Variants in GLS observed in about 807,000 individuals in gnomAD.
GLS encodes glutaminase.
In GLS, 36 loss-of-function variants were observed where a neutral mutation model predicts 86.7. That is an observed-to-expected ratio of 0.42 (90% CI 0.32 to 0.55). The LOEUF is 0.55. Ranked by LOEUF, GLS falls within the 20% of genes least tolerant of loss-of-function variation. The probability of loss-of-function intolerance (pLI) is 0.17; values close to 1 mark genes in which losing one functional copy is unlikely to be tolerated. For missense variants in GLS, 528 were observed against 833.4 expected (o/e 0.63, Z 4.51); for synonymous variants, 317 against 305.9 (o/e 1.04, Z -0.38).
Position 190,954,430 on chromosome 2 carries a change from T to C in GLS, c.1713-154T>C, listed in dbSNP as rs1025328891. Among the ~76,000 whole-genome samples, 1 of 152,154 alleles carries C rather than the reference T, an allele frequency of 6.6e-6. No homozygotes were observed. Among genetic ancestry groups the C allele is most frequent in the African/African-American group, 2.4e-5 (1 of 41,446 alleles). Reference sequence around the variant, plus strand: ...TGAAGTGGCATCTACCCAAAACACCTGTGTACTGGTTAATAAGGTCGGTAG... The same window carrying C: ...TGAAGTGGCATCTACCCAAAACACCCGTGTACTGGTTAATAAGGTCGGTAG... On this transcript the variant is annotated intron_variant, in intron 15 of 17. Transcript: ENST00000320717. This position sits in a 1 kb window ranked among gnomAD's most constrained non-coding sequence, Gnocchi z 4.0.
rs1296866294 is a variant in GLS, at chr2:190,938,185, A to AT, written c.1650+6554dup. On this transcript the variant is annotated intron_variant, in intron 14 of 17. Transcript: ENST00000320717. This position sits in a 1 kb window ranked among gnomAD's most constrained non-coding sequence, Gnocchi z 4.1. ...ACATAGTATGATTAAAAATAATGGT[A>AT]TTTTTTCATTAGGTATTTACCTTGC... Among the ~76,000 whole-genome samples, 3 of 151,300 alleles carry AT rather than the reference A, an allele frequency of 2.0e-5. No individual in the cohort carries two copies. The highest frequency in any genetic ancestry group is 4.4e-5 in the Non-Finnish European group (3 of 67,458).
At chr2:190,893,832 G>A (rs1170376079) in intron 1 of GLS, among the ~76,000 whole-genome samples, 2 of 152,156 alleles carry the variant, frequency 1.3e-5, no homozygotes, top group African/African-American at 4.8e-5. Flanking sequence ...TGATCCTCCT[G>A]CCTCAGCCTC....
chr2:190,923,500 C>G (rs1463753642), intron 9 of GLS, among the ~76,000 whole-genome samples: 8 of 152,120 alleles, frequency 5.3e-5, no homozygotes, highest in African/African-American at 1.9e-4. Flanking sequence ...TTTGTGTTTC[C>G]CACTCTCAGT....
At chr2:190,887,863 G>C (rs1688438661) in intron 1 of GLS, among the ~76,000 whole-genome samples, 1 of 152,116 alleles carries the variant, frequency 6.6e-6, no homozygotes, top group Non-Finnish European at 1.5e-5. Context: ...CATTTAAAAT[G>C]TTTGCAGGTA....
intron 3 of GLS, chr2:190,896,621 G>A (rs1421934811): frequency 6.6e-6 from 1 of 152,194 alleles, no homozygotes; most frequent in African/African-American, 2.4e-5. Flanking sequence ...GAAGTCATCT[G>A]AAGGTATAAG....
chr2:190,933,957 T>A, intron 14 of GLS: 1 of 931,048 alleles, frequency 1.1e-6, no homozygotes, highest in Non-Finnish European at 1.3e-6. Flanking sequence ...AAAACTTGTT[T>A]TTAAGAGAAC....
Position 190,962,801 on chromosome 2 carries a change from A to T in GLS, c.1854-29A>T, listed in dbSNP as rs1691034411. 2 of 1,372,786 alleles carry T rather than the reference A, an allele frequency of 1.5e-6. No individual in the cohort carries two copies. The highest frequency in any genetic ancestry group is 1.9e-6 in the Non-Finnish European group (2 of 1,047,710). 85.0% of individuals were successfully genotyped at this position (1,372,786 alleles called of 1,614,324 possible). ...ATCTTTGTACATAAATTACCTAATG[A>T]CCCTGTCCATGCTGTGCTACGTGTT... On this transcript the variant is annotated intron_variant, in intron 17 of 17. Transcript: ENST00000320717. This position sits in a 1 kb window ranked among gnomAD's most constrained non-coding sequence, Gnocchi z 4.2.
chr2:190,944,443 T>G (rs1253920407), intron 14 of GLS, among the ~76,000 whole-genome samples: 9 of 152,200 alleles, frequency 5.9e-5, no homozygotes, highest in African/African-American at 2.2e-4. Flanking sequence ...AGATAGTGAA[T>G]GAGAAACTTT....
Position 190,924,024 on chromosome 2 carries a change from T to G in GLS, c.1197+41T>G. 1 of 972,206 alleles carries G rather than the reference T, an allele frequency of 1.0e-6. No homozygotes were observed. Among genetic ancestry groups the G allele is most frequent in the Non-Finnish European group, 1.6e-6 (1 of 617,084 alleles). The allele number at this position is 972,206 out of a possible 1,614,324, so 60.2% of individuals were successfully genotyped here. A position where few individuals can be genotyped will look rare whatever the true frequency, so the allele number is the denominator to read the frequency against. On this transcript the variant is annotated intron_variant, in intron 10 of 17. Transcript: ENST00000320717. This position sits in a 1 kb window ranked among gnomAD's most constrained non-coding sequence, Gnocchi z 5.2. ...TTTCTATTTCAAATTATTCTTTCAT[T>G]TAATAAAATACATGAAGATGTATGC...
chr2:190,962,960 C>G lies in GLS; in HGVS notation c.1984C>G (p.His662Asp). Residue 662 changes from histidine to aspartate, a missense_variant, in exon 18 of 18, where the codon CAT becomes GAT. Coordinates refer to ENST00000320717, the MANE Select transcript of GLS (RefSeq NM_014905.5). The surrounding 1 kb of genome is among the most constrained non-coding windows in gnomAD (Gnocchi z 4.2). ...CAACGGGAAGGAAAATCAAACCGTC[C>G]ATAAGAATCTTGATGGATTGTTGTA... Reference protein sequence around the residue: ...SDNGKENQTVHKNLDGLL With the variant: ...SDNGKENQTVDKNLDGLL The G allele has an allele frequency of 6.2e-7, 1 of 1,608,208 alleles. No homozygotes were observed.
intron 1 of GLS, among the ~76,000 whole-genome samples, chr2:190,885,294 C>A (rs1384403082): frequency 6.6e-6 from 1 of 151,772 alleles, no homozygotes. Flanking sequence ...CGGGTTCAAG[C>A]CATTCTCCTG....
At chr2:190,961,689 G>GTTTT (rs11386437) in intron 17 of GLS, among the ~76,000 whole-genome samples, 9,076 of 135,760 alleles carry the variant, frequency 0.067, 431 homozygotes, top group Middle Eastern at 0.11. Flanking sequence ...TAATTCAGCT[G>GTTTT]TTTTTTTTTT....
chr2:190,919,220 G>A (rs1689653790), intron 7 of GLS, among the ~76,000 whole-genome samples: 1 of 152,100 alleles, frequency 6.6e-6, no homozygotes, highest in Admixed American at 6.6e-5. Flanking sequence ...TCTGTCTAGA[G>A]AATGTTGAGT....
intron 17 of GLS, among the ~76,000 whole-genome samples, chr2:190,961,877 A>C (rs1488662866): frequency 6.6e-6 from 1 of 152,212 alleles, no homozygotes; most frequent in East Asian, 1.9e-4. Flanking sequence ...GGAAAGAAGG[A>C]AACAGGAAGA....
At chr2:190,948,215 C>G (rs1469936288) in intron 14 of GLS, among the ~76,000 whole-genome samples, 2 of 152,146 alleles carry the variant, frequency 1.3e-5, no homozygotes, top group African/African-American at 4.8e-5. Context: ...CCATAGCTAG[C>G]CTTTTGTTTT....
intron 9 of GLS, 85 bp from the exon 10 acceptor site, chr2:190,923,832 T>C: frequency 1.2e-6 from 1 of 811,628 alleles, no homozygotes. Context: ...TTCTTTATGC[T>C]GTACATTGCT....
rs184418360 is a variant in GLS, at chr2:190,935,049, A to T, written c.1650+3412A>T. Reference sequence around the variant, plus strand: ...TGATTCTTGATATTCAAGCATTTACAATGTAGCATATTTGATTTTCTTTTT... The same window carrying T: ...TGATTCTTGATATTCAAGCATTTACTATGTAGCATATTTGATTTTCTTTTT... On this transcript the variant is annotated intron_variant, in intron 14 of 17. Transcript: ENST00000320717. This position sits in a 1 kb window ranked among gnomAD's most constrained non-coding sequence, Gnocchi z 4.2. The T allele has an allele frequency of 2.1e-6, 2 of 931,836 alleles. No individual in the cohort carries two copies. Among genetic ancestry groups the T allele is most frequent in the East Asian group, 2.3e-4 (2 of 8,558 alleles). 57.7% of individuals were successfully genotyped at this position (931,836 alleles called of 1,614,324 possible). A position where few individuals can be genotyped will look rare whatever the true frequency, so the allele number is the denominator to read the frequency against.
intron 11 of GLS, 69 bp from the exon 12 acceptor site, chr2:190,927,237 A>G: frequency 3.5e-6 from 4 of 1,127,416 alleles, no homozygotes; most frequent in Non-Finnish European, 5.0e-6. Context: ...ACCAAATAAA[A>G]TAGATTATCT....
At chr2:190,884,290 A>G (rs964677676) in intron 1 of GLS, among the ~76,000 whole-genome samples, 1 of 152,146 alleles carries the variant, frequency 6.6e-6, no homozygotes, top group African/African-American at 2.4e-5. Flanking sequence ...TCACCTCTTA[A>G]TCCAAAGCTC....
Sources: allele counts gnomAD v4.1 joint callset (sites outside exome capture counted in the v4.1 genomes callset), GRCh38; gene constraint gnomAD v4.1.1; non-coding constraint Gnocchi (gnomAD v3.1); transcripts MANE v1.5; gene names NCBI Gene and HGNC (gene_info 2026-07-23, HGNC 2026-07-21).